Variants in GRIN2B observed in about 807,000 individuals in gnomAD.
The protein encoded by GRIN2B is glutamate receptor ionotropic, NMDA 2B.
A neutral mutation model predicts 114.5 loss-of-function variants in GRIN2B; 5 were observed. That is an observed-to-expected ratio of 0.04 (90% CI 0.02 to 0.09). The LOEUF (loss-of-function observed/expected upper bound fraction) is 0.09. Ranked by LOEUF, GRIN2B falls within the 10% of genes least tolerant of loss-of-function variation. GRIN2B has a pLI of 1.00. For missense variants in GRIN2B, 1,108 were observed against 1,943.5 expected (o/e 0.57, Z 8.08); for synonymous variants, 787 against 745.1 (o/e 1.06, Z -0.92).
rs190222901 is a variant in GRIN2B, at chr12:13,734,208, A to T, written c.1010+19109T>A. On this transcript the variant is annotated intron_variant, in intron 4 of 13. Coordinates refer to ENST00000609686, the MANE Select transcript of GRIN2B (RefSeq NM_000834.5). ...TTGAAAAATACAAAATTCATAGTAG[A>T]TGATTTTGTGATATTCAAGATATGG... 5.9e-5 allele frequency among the ~76,000 whole-genome samples: 9 copies of T among 152,332 alleles called. No individual in the cohort carries two copies. The East Asian group carries it at 1.7e-3, about 29-fold the overall frequency.
intron 5 of GRIN2B, among the ~76,000 whole-genome samples, chr12:13,647,465 C>T (rs1403921362): frequency 6.6e-6 from 1 of 152,088 alleles, no homozygotes; most frequent in East Asian, 1.9e-4. Flanking sequence ...CATTAACTTT[C>T]ATTGTTGACT....
intron 3 of GRIN2B, among the ~76,000 whole-genome samples, chr12:13,794,581 C>G (rs1434297010): frequency 6.6e-6 from 1 of 152,204 alleles, no homozygotes; most frequent in Non-Finnish European, 1.5e-5. Flanking sequence ...AGTTTTACAT[C>G]AATATGTCTC....
intron 10 of GRIN2B, among the ~76,000 whole-genome samples, chr12:13,605,551 T>TCTCTCTCTCTCTCTCTCTCACACACACA: frequency 9.9e-5 from 3 of 30,444 alleles, no homozygotes; most frequent in Admixed American, 7.6e-4. Flanking sequence ...TCTCTCTCTC[T>TCTCTCTCTCTCTCTCTCTCACACACACA]GACACACACA....
intron 5 of GRIN2B, among the ~76,000 whole-genome samples, chr12:13,662,351 A>G: frequency 6.6e-6 from 1 of 152,188 alleles, no homozygotes; most frequent in Non-Finnish European, 1.5e-5. Flanking sequence ...TAATTTGGAA[A>G]GTTCTTACAT....
intron 2 of GRIN2B, among the ~76,000 whole-genome samples, chr12:13,951,296 A>T (rs1867473815): frequency 6.6e-6 from 1 of 152,158 alleles, no homozygotes. Context: ...TGAGGCCAGA[A>T]ATGAAATAGA....
At chr12:13,758,894 A>G (rs1863626608) in intron 3 of GRIN2B, among the ~76,000 whole-genome samples, 1 of 152,050 alleles carries the variant, frequency 6.6e-6, no homozygotes, top group Admixed American at 6.5e-5. Context: ...TCCCTAGCTG[A>G]CACATGAAAC....
At position 13,539,480 on chromosome 12, in the gene GRIN2B, G is replaced by T. The variant is rs1468849303; in HGVS notation, c.*23303C>A. 1 of 152,176 alleles carries T rather than the reference G, an allele frequency of 6.6e-6. No homozygotes were observed. The highest frequency in any genetic ancestry group is 1.5e-5 in the Non-Finnish European group (1 of 68,030). The allele number at this position is 152,176 out of a possible 1,614,324, so 9.4% of individuals were successfully genotyped here. A position where few individuals can be genotyped will look rare whatever the true frequency, so the allele number is the denominator to read the frequency against. On this transcript the variant is annotated 3_prime_UTR_variant, in exon 14 of 14. Coordinates refer to ENST00000609686, the MANE Select transcript of GRIN2B (RefSeq NM_000834.5). ...TTAACTTGGATAATTTAGCAATCAAGGTATAGAAAGAGAGATCATTTAGAA... is the reference window on the plus strand; with the variant it reads ...TTAACTTGGATAATTTAGCAATCAATGTATAGAAAGAGAGATCATTTAGAA...
chr12:13,751,249 A>G (rs1200425719), intron 4 of GRIN2B, among the ~76,000 whole-genome samples: 1 of 152,186 alleles, frequency 6.6e-6, no homozygotes, highest in African/African-American at 2.4e-5. Context: ...GTCTTTATAA[A>G]CCATATTAAG....
chr12:13,795,642 T>C lies in GRIN2B; in HGVS notation c.412-41727A>G, dbSNP rs145523972. On this transcript the variant is annotated intron_variant, in intron 3 of 13. Transcript: ENST00000609686. ...AAAGACACGTGCATATGTATGTTTATTGCAGCACTGTTCACAATAGCAAAG... is the reference window on the plus strand; with the variant it reads ...AAAGACACGTGCATATGTATGTTTACTGCAGCACTGTTCACAATAGCAAAG... Among the ~76,000 whole-genome samples, 13 of 152,332 alleles carry C rather than the reference T, an allele frequency of 8.5e-5. No homozygotes were observed. In the East Asian group the frequency reaches 1.2e-3, roughly 14 times the overall value.
At chr12:13,689,929 C>T (rs1260973625) in intron 4 of GRIN2B, among the ~76,000 whole-genome samples, 3 of 152,112 alleles carry the variant, frequency 2.0e-5, no homozygotes, top group South Asian at 2.1e-4. Flanking sequence ...CCTCTCTCTA[C>T]ACTTTCCTAT....
chr12:13,853,042 T>C (rs771911118), intron 3 of GRIN2B, among the ~76,000 whole-genome samples: 3 of 152,190 alleles, frequency 2.0e-5, no homozygotes, highest in Non-Finnish European at 2.9e-5. Flanking sequence ...TCTGCCAAAA[T>C]GCTGCCCCTC....
At chr12:13,605,006 G>C (rs1949217289) in intron 10 of GRIN2B, among the ~76,000 whole-genome samples, 1 of 150,116 alleles carries the variant, frequency 6.7e-6, no homozygotes, top group Non-Finnish European at 1.5e-5. Context: ...TGTGATTCTG[G>C]GTCCGTTGTT....
At chr12:13,570,127 G>T (rs767573538) in intron 11 of GRIN2B, 110 bp from the exon 12 acceptor site, 18 of 787,202 alleles carry the variant, frequency 2.3e-5, no homozygotes, top group Non-Finnish European at 3.9e-5. Context: ...TGGAGAATTG[G>T]TTCAAAGTAA....
intron 5 of GRIN2B, among the ~76,000 whole-genome samples, chr12:13,650,469 G>T (rs1028186844): frequency 4.6e-5 from 7 of 152,168 alleles, no homozygotes; most frequent in African/African-American, 4.8e-5. Flanking sequence ...TAAGATGATA[G>T]AAAATCCCCT....
chr12:13,613,303 T>A (rs1591641433), intron 8 of GRIN2B, among the ~76,000 whole-genome samples: 3 of 152,360 alleles, frequency 2.0e-5, no homozygotes, highest in Admixed American at 2.0e-4. Context: ...AAACTTTCTA[T>A]ACACAAAATA....
intron 2 of GRIN2B, among the ~76,000 whole-genome samples, chr12:13,949,898 G>A (rs985484050): frequency 5.9e-5 from 9 of 152,132 alleles, no homozygotes; most frequent in East Asian, 3.8e-4. Flanking sequence ...CTTTATGCAC[G>A]TAAGCACTGT....
chr12:13,922,546 G>T (rs1034376765), intron 2 of GRIN2B, among the ~76,000 whole-genome samples: 1 of 152,240 alleles, frequency 6.6e-6, no homozygotes, highest in Admixed American at 6.5e-5. Context: ...AGAGGCTAAA[G>T]TCTGACTAAA....
In GRIN2B at chr12:13,539,415, T is replaced by C. The variant is rs1474475681; in HGVS notation, c.*23368A>G. ...TGTGAAAAGCTAAATATGTCTATGC[T>C]ATTTTCTTACCAAGATAGCTAAGGG... On this transcript the variant is annotated 3_prime_UTR_variant, in exon 14 of 14. Transcript: ENST00000609686. 6.6e-6 allele frequency: 1 copy of C among 152,238 alleles called. No individual in the cohort carries two copies. The highest frequency in any genetic ancestry group is 1.5e-5 in the Non-Finnish European group (1 of 68,044). The allele number at this position is 152,238 out of a possible 1,614,324, so 9.4% of individuals were successfully genotyped here.
At chr12:13,692,698 C>G (rs575141287) in intron 4 of GRIN2B, among the ~76,000 whole-genome samples, 2 of 151,014 alleles carry the variant, frequency 1.3e-5, no homozygotes, top group Non-Finnish European at 2.9e-5. Context: ...TCTGGTTACC[C>G]GAGACCCTGA....
Sources: allele counts gnomAD v4.1 joint callset (sites outside exome capture counted in the v4.1 genomes callset), GRCh38; gene constraint gnomAD v4.1.1; transcripts MANE v1.5; gene names NCBI Gene and HGNC (gene_info 2026-07-23, HGNC 2026-07-21).